The following IL13RA1 variants were observed in gnomAD, a reference collection of about 807,000 sequenced individuals.
IL13RA1 encodes interleukin-13 receptor subunit alpha-1.
IL13RA1 carries 14 observed loss-of-function variants against 33.8 expected under a neutral mutation model. That is an observed-to-expected ratio of 0.41 (90% CI 0.27 to 0.65). The LOEUF (loss-of-function observed/expected upper bound fraction) is 0.65. Ranked by LOEUF, IL13RA1 falls within the 30% of genes least tolerant of loss-of-function variation. The probability of loss-of-function intolerance (pLI) is 0.28; values close to 1 mark genes in which losing one functional copy is unlikely to be tolerated. For synonymous variants in IL13RA1, 116 were observed against 115.7 expected, an observed-to-expected ratio of 1.00 and a Z score of -0.02; for missense variants, 313 against 327.0, an observed-to-expected ratio of 0.96 and a Z score of 0.33.
chrX:118,769,997 G>A (rs1418017764), intron 8 of IL13RA1: 1 of 210,508 alleles, frequency 4.8e-6, no homozygotes, highest in Admixed American at 6.7e-5. Flanking sequence ...CTACACCGGC[G>A]ACCCGGGCAC....
chrX:118,773,907 A>G lies in IL13RA1; in HGVS notation c.1038A>G (p.Ile346Met), dbSNP rs1235950867. The change falls in exon 9 of 11, where the codon ATA becomes ATG. Residue 346 changes from isoleucine to methionine, a missense_variant. Physicochemically the swap from Ile to Met is conservative, Grantham distance 10. Coordinates refer to ENST00000371666, the MANE Select transcript of IL13RA1 (RefSeq NM_001560.3). ...AGAAGCGCAATTCCACACTCTACAT[A>G]ACCATGTTACTCATTGTTCCAGTCA... ...IGKKRNSTLY[I>M]TMLLIVPVIV... The G allele has an allele frequency of 2.8e-6, 3 of 1,067,689 alleles. No homozygotes were observed. The highest frequency in any genetic ancestry group is 3.9e-6 in the Non-Finnish European group (3 of 766,283). The allele number at this position is 1,067,689 out of a possible 1,213,427, so 88.0% of individuals were successfully genotyped here. A position where few individuals can be genotyped will look rare whatever the true frequency, so the allele number is the denominator to read the frequency against.
At chrX:118,766,330 C>T (rs776747488) in intron 6 of IL13RA1, among the ~76,000 whole-genome samples, 200 bp from the exon 7 acceptor site, 19 of 110,300 alleles carry the variant, frequency 1.7e-4, no homozygotes, top group African/African-American at 4.9e-4. Context: ...TGAGGTAGGG[C>T]GTCAAGAATC....
chrX:118,799,216 G>A (rs765044830), downstream of IL13RA1, among the ~76,000 whole-genome samples: 45 of 113,385 alleles, frequency 4.0e-4, no homozygotes, highest in African/African-American at 1.4e-3. Flanking sequence ...GGGACCTGCA[G>A]CCCTCCATGC....
chrX:118,800,348 A>G, the IL13RA1 span, among the ~76,000 whole-genome samples: 3 of 110,569 alleles, frequency 2.7e-5, no homozygotes, highest in South Asian at 7.8e-4. Context: ...CGCTGCTTTT[A>G]TGAGCTGTAA....
At chrX:118,756,869 A>G (rs756564763) in intron 4 of IL13RA1, among the ~76,000 whole-genome samples, 3 of 111,871 alleles carry the variant, frequency 2.7e-5, no homozygotes, top group East Asian at 5.6e-4. Flanking sequence ...CAAATGGAGC[A>G]GTTGGAGATC....
intron 4 of IL13RA1, among the ~76,000 whole-genome samples, chrX:118,751,319 C>T (rs1206589271): frequency 8.9e-6 from 1 of 112,130 alleles, no homozygotes; most frequent in Admixed American, 9.5e-5. Flanking sequence ...TTATTTAGAA[C>T]ACTTTGTGGA....
chrX:118,789,380 T>A (rs1271043262), intron 10 of IL13RA1, among the ~76,000 whole-genome samples: 2 of 112,295 alleles, frequency 1.8e-5, no homozygotes, highest in African/African-American at 6.5e-5. Context: ...ACCAGCAGTA[T>A]GTTCGACTGG....
chrX:118,764,206 A>G (rs1204853920), intron 6 of IL13RA1, among the ~76,000 whole-genome samples: 1 of 77,014 alleles, frequency 1.3e-5, no homozygotes, highest in Non-Finnish European at 2.3e-5. Flanking sequence ...TTCCCAGCAG[A>G]CTATCTTCTT....
chrX:118,751,900 C>CAAAA lies in IL13RA1; in HGVS notation c.488+2138_488+2141dup, dbSNP rs34902050. Among the ~76,000 whole-genome samples, 195 of 48,948 alleles carry CAAAA rather than the reference C, an allele frequency of 4.0e-3. 2 individuals carry two copies. The Middle Eastern group carries it at 0.056, about 14-fold the overall frequency. The allele number at this position is 48,948 out of a possible 115,157, so 42.5% of individuals were successfully genotyped here. On this transcript the variant is annotated intron_variant, in intron 4 of 10. Coordinates refer to ENST00000371666, the MANE Select transcript of IL13RA1 (RefSeq NM_001560.3). ...CATGGCTATATCATGGAATAGAATG[C>CAAAA]AAAAAAAAAAAAAAAAAAAGTAACA...
chrX:118,798,307 C>G (rs1463142273), downstream of IL13RA1, among the ~76,000 whole-genome samples: 2 of 94,864 alleles, frequency 2.1e-5, no homozygotes, highest in Admixed American at 2.6e-4. Flanking sequence ...TTTTTTTCCC[C>G]ATATTGTCTC....
At chrX:118,801,932 C>A in the IL13RA1 span, among the ~76,000 whole-genome samples, 13 of 112,616 alleles carry the variant, frequency 1.2e-4, no homozygotes, top group Non-Finnish European at 2.4e-4. Flanking sequence ...TATGCTTCTA[C>A]AAACACTTAA....
At chrX:118,769,590 G>A (rs1390583713) in intron 8 of IL13RA1, among the ~76,000 whole-genome samples, 5 of 113,031 alleles carry the variant, frequency 4.4e-5, no homozygotes, top group African/African-American at 1.6e-4. Flanking sequence ...GTAGTGGTAA[G>A]TAACCAGTAA....
At chrX:118,790,136 T>C (rs1003377910) in intron 10 of IL13RA1, among the ~76,000 whole-genome samples, 2 of 111,966 alleles carry the variant, frequency 1.8e-5, no homozygotes, top group African/African-American at 3.2e-5. Context: ...TATCTTGTAG[T>C]CCTTTGCAGT....
intron 1 of IL13RA1, among the ~76,000 whole-genome samples, chrX:118,735,298 T>C (rs749960049): frequency 9.0e-6 from 1 of 111,267 alleles, no homozygotes; most frequent in Non-Finnish European, 1.9e-5. Context: ...TATTTTTCTA[T>C]TCCCTTTTTC....
At chrX:118,802,822 T>C in the IL13RA1 span, among the ~76,000 whole-genome samples, 5 of 112,076 alleles carry the variant, frequency 4.5e-5, no homozygotes, top group Admixed American at 4.7e-4. Flanking sequence ...TCATGATGTT[T>C]CCAAAGGGAG....
At chrX:118,790,142 G>C (rs1453570591) in intron 10 of IL13RA1, among the ~76,000 whole-genome samples, 1 of 111,644 alleles carries the variant, frequency 9.0e-6, no homozygotes, top group Non-Finnish European at 1.9e-5. Flanking sequence ...GTAGTCCTTT[G>C]CAGTCAACCC....
the IL13RA1 span, among the ~76,000 whole-genome samples, chrX:118,803,501 TGCAA>T: frequency 3.0e-3 from 341 of 112,581 alleles, 2 homozygotes; most frequent in African/African-American, 0.01. Context: ...TTTAAAAAAC[TGCAA>T]TACCATTATC....
chrX:118,734,305 G>A (rs2017256827), intron 1 of IL13RA1, among the ~76,000 whole-genome samples: 1 of 111,602 alleles, frequency 9.0e-6, no homozygotes, highest in African/African-American at 3.3e-5. Context: ...TATTTTAACT[G>A]GATGTCTTTT....
intron 10 of IL13RA1, among the ~76,000 whole-genome samples, chrX:118,787,600 G>A (rs768441352): frequency 1.8e-5 from 2 of 111,418 alleles, no homozygotes; most frequent in East Asian, 5.6e-4. Flanking sequence ...AGGAGACTAG[G>A]GCGTGTTTCA....
Sources: allele counts gnomAD v4.1 joint callset (sites outside exome capture counted in the v4.1 genomes callset), GRCh38; gene constraint gnomAD v4.1.1; transcripts MANE v1.5; gene names NCBI Gene and HGNC (gene_info 2026-07-23, HGNC 2026-07-21).